SMAD5: variants seen among roughly 807,000 people sequenced by gnomAD.
SMAD5 encodes SMAD family member 5, also known as MAD, mothers against decapentaplegic homolog 5.
In SMAD5, 9 loss-of-function variants were observed where a neutral mutation model predicts 43.1. The observed-to-expected ratio is 0.21, with a 90% CI of 0.13 to 0.36. The LOEUF (loss-of-function observed/expected upper bound fraction) is 0.36. Ranked by LOEUF, SMAD5 falls within the 10% of genes least tolerant of loss-of-function variation. The probability of loss-of-function intolerance (pLI) is 1.00; values close to 1 mark genes in which losing one functional copy is unlikely to be tolerated. For missense variants in SMAD5, 348 were observed against 574.0 expected, an observed-to-expected ratio of 0.61 and a Z score of 4.02; for synonymous variants, 190 against 192.4, an observed-to-expected ratio of 0.99 and a Z score of 0.10.
rs1754634775 is a variant in SMAD5, at chr5:136,181,745, A to T, written c.*4265A>T. ...TAGTATGTCCTGATTACAGAGTGAC[A>T]ATATTTATCAAGCCTTTGTTATATT... On this transcript the variant is annotated 3_prime_UTR_variant, in exon 8 of 8. Transcript: ENST00000545279. The T allele has an allele frequency of 2.6e-5, 4 of 152,194 alleles. No individual in the cohort carries two copies. In the South Asian group the frequency reaches 8.3e-4, roughly 31 times the overall value. The allele number at this position is 152,194 out of a possible 1,614,324, so 9.4% of individuals were successfully genotyped here.
chr5:136,165,532 A>G (rs1049503577), intron 5 of SMAD5, among the ~76,000 whole-genome samples: 1 of 151,974 alleles, frequency 6.6e-6, no homozygotes, highest in Non-Finnish European at 1.5e-5. Context: ...ACCTTGTAGT[A>G]TTGAAACTAT....
At position 136,160,885 on chromosome 5, in the gene SMAD5, A is replaced by G. The variant is rs1039692154; in HGVS notation, c.433A>G (p.Asn145Asp). ...VLPPVLVPRHNEFNPQHSLLV... is the reference protein window; with the variant it reads ...VLPPVLVPRHDEFNPQHSLLV... ...ACCTCCAGTATTAGTGCCTCGTCAT[A>G]ATGAATTCAATCCACAACACAGCCT... Residue 145 changes from asparagine (N) to aspartate (D), a missense_variant, in exon 4 of 8, where the codon AAT (asparagine) becomes GAT (aspartate). Asn to Asp is a conservative substitution (Grantham distance 23). Coordinates refer to ENST00000545279, the MANE Select transcript of SMAD5 (RefSeq NM_005903.7). The G allele has an allele frequency of 1.2e-6, 2 of 1,613,874 alleles. No homozygotes were observed. The highest frequency in any genetic ancestry group is 1.7e-5 in the Admixed American group (1 of 60,016).
chr5:136,136,847 C>G (rs1752896766), intron 1 of SMAD5, among the ~76,000 whole-genome samples: 1 of 152,044 alleles, frequency 6.6e-6, no homozygotes, highest in African/African-American at 2.4e-5. Flanking sequence ...AGGCACCCAC[C>G]ACCACGTCCA....
Position 136,160,954 on chromosome 5 carries a change from C to G in SMAD5, c.502C>G (p.Pro168Ala). Residue 168 changes from proline to alanine, a missense_variant, in exon 4 of 8, where the codon CCA becomes GCA. By Grantham distance (27) the Pro-to-Ala change is conservative (BLOSUM62 -1). Around this residue, in one of 5 missense-constraint regions of SMAD5, gnomAD observed 185 missense variants for 207.0 expected, o/e 0.89. Transcript: ENST00000545279. ...RNLSHNEPHM[P>A]QNATFPDSFH... ...CCTGAGCCACAATGAACCACACATG[C>G]CACAAAATGCCACGTTTCCAGATTC... The G allele has an allele frequency of 6.2e-7, 1 of 1,613,894 alleles. No homozygotes were observed. The highest frequency in any genetic ancestry group is 8.5e-7 in the Non-Finnish European group (1 of 1,179,870).
Position 136,178,160 on chromosome 5 carries a change from A to G in SMAD5, c.*680A>G, listed in dbSNP as rs112974402. ...TGTAAGACATTTCCTTTTTTAAAAA[A>G]ATTTTTGCAAATAACTGATCTCAAG... On this transcript the variant is annotated 3_prime_UTR_variant, in exon 8 of 8. Coordinates refer to ENST00000545279, the MANE Select transcript of SMAD5 (RefSeq NM_005903.7). The G allele has an allele frequency of 6.6e-6, 1 of 152,656 alleles. No homozygotes were observed. The highest frequency in any genetic ancestry group is 1.5e-5 in the Non-Finnish European group (1 of 68,048). 9.5% of individuals were successfully genotyped at this position (152,656 alleles called of 1,614,324 possible).
intron 3 of SMAD5, 87 bp from the exon 4 acceptor site, chr5:136,160,769 C>A: frequency 1.5e-6 from 2 of 1,323,944 alleles, no homozygotes; most frequent in Non-Finnish European, 2.1e-6. Context: ...TACAGTCTTA[C>A]ATGAATCCTT....
At chr5:136,142,168 G>T (rs549900323) in intron 1 of SMAD5, among the ~76,000 whole-genome samples, 1 of 152,254 alleles carries the variant, frequency 6.6e-6, no homozygotes, top group East Asian at 1.9e-4. Flanking sequence ...TTACATTCTT[G>T]TGGGGACAGA....
At chr5:136,173,198 A>G (rs1327995413) in intron 6 of SMAD5, among the ~76,000 whole-genome samples, 2 of 148,888 alleles carry the variant, frequency 1.3e-5, no homozygotes, top group Admixed American at 6.7e-5. Flanking sequence ...AATTTAGGCA[A>G]TAAGGTTTTA....
chr5:136,165,732 A>G (rs1753985991), intron 5 of SMAD5, among the ~76,000 whole-genome samples: 1 of 123,260 alleles, frequency 8.1e-6, no homozygotes, highest in African/African-American at 3.1e-5. Flanking sequence ...GGGCACATCC[A>G]TATTGTAGCA....
chr5:136,151,642 C>T (rs986639436), intron 2 of SMAD5, among the ~76,000 whole-genome samples: 15 of 151,982 alleles, frequency 9.9e-5, no homozygotes, highest in African/African-American at 3.6e-4. Flanking sequence ...TTGCCTCCCT[C>T]TTCCTTAACT....
At chr5:136,134,279 G>T (rs1752799443) in intron 1 of SMAD5, 1 of 152,478 alleles carries the variant, frequency 6.6e-6, no homozygotes, top group Non-Finnish European at 1.5e-5. Flanking sequence ...AGGGTACTTG[G>T]GTTGCGTTTT....
intron 1 of SMAD5, among the ~76,000 whole-genome samples, chr5:136,138,112 GTGA>G: frequency 6.6e-6 from 1 of 152,346 alleles, no homozygotes; most frequent in Middle Eastern, 3.4e-3. Context: ...GTGGGGGTGA[GTGA>G]TACATTTAGA....
Position 136,172,620 on chromosome 5 carries a change from C to T in SMAD5, c.962C>T (p.Ser321Leu). Reference protein sequence around the residue: ...LGLLSNVNRNSTIENTRRHIG... With the variant: ...LGLLSNVNRNLTIENTRRHIG... Reference sequence around the variant, plus strand: ...TTGTTGTCAAATGTTAATCGTAATTCGACAATTGAAAACACTAGGCGACAT... The same window carrying T: ...TTGTTGTCAAATGTTAATCGTAATTTGACAATTGAAAACACTAGGCGACAT... The change falls in exon 6 of 8, where the codon TCG (serine) becomes TTG (leucine). Residue 321 changes from serine to leucine, a missense_variant. Coordinates refer to ENST00000545279, the MANE Select transcript of SMAD5 (RefSeq NM_005903.7). The T allele has an allele frequency of 6.2e-7, 1 of 1,611,702 alleles. No homozygotes were observed. Among genetic ancestry groups the T allele is most frequent in the Non-Finnish European group, 8.5e-7 (1 of 1,177,990 alleles).
chr5:136,177,711 C>T lies in SMAD5; in HGVS notation c.*231C>T. The T allele has an allele frequency of 2.4e-6, 1 of 409,032 alleles. No individual in the cohort carries two copies. The highest frequency in any genetic ancestry group is 5.1e-5 in the South Asian group (1 of 19,702). The allele number at this position is 409,032 out of a possible 1,614,324, so 25.3% of individuals were successfully genotyped here. On this transcript the variant is annotated 3_prime_UTR_variant, in exon 8 of 8. Coordinates refer to ENST00000545279, the MANE Select transcript of SMAD5 (RefSeq NM_005903.7). ...TAAAAGATGCAGAGTAAGTATTATG[C>T]CCCAGTTCAGAAATTTGGCATTGAT...
At chr5:136,154,995 T>G (rs1753588182) in intron 3 of SMAD5, among the ~76,000 whole-genome samples, 1 of 152,192 alleles carries the variant, frequency 6.6e-6, no homozygotes, top group South Asian at 2.1e-4. Context: ...AGTCAGTCCA[T>G]GGACCTTTTC....
intron 2 of SMAD5, among the ~76,000 whole-genome samples, chr5:136,148,924 C>G (rs1395344369): frequency 6.6e-6 from 1 of 151,706 alleles, no homozygotes; most frequent in African/African-American, 2.4e-5. Context: ...GTAAAGCACA[C>G]AGAATTAAAG....
chr5:136,133,448 T>A (rs986946637), intron 1 of SMAD5: 1 of 152,426 alleles, frequency 6.6e-6, no homozygotes, highest in African/African-American at 2.4e-5. Flanking sequence ...GCTTTGTGTT[T>A]CAAAGATAAG....
chr5:136,165,572 T>A (rs1753970612), intron 5 of SMAD5, among the ~76,000 whole-genome samples: 1 of 151,178 alleles, frequency 6.6e-6, no homozygotes, highest in Non-Finnish European at 1.5e-5. Flanking sequence ...CCTATTCTCC[T>A]TTTCCCCCAG....
chr5:136,165,437 A>G (rs1033869580), intron 5 of SMAD5, among the ~76,000 whole-genome samples: 1 of 151,906 alleles, frequency 6.6e-6, no homozygotes, highest in African/African-American at 2.4e-5. Context: ...CATCTTAACT[A>G]TTTTTAAGTG....
Sources: gnomAD v4.1 joint callset for allele counts (sites outside exome capture counted in the v4.1 genomes callset) on GRCh38, gnomAD v4.1.1 for gene constraint, gnomAD v4.1.1 regional missense constraint, MANE v1.5 for transcripts, NCBI Gene and HGNC (gene_info 2026-07-23, HGNC 2026-07-21) for gene names.